EGFLAM: variants seen among roughly 807,000 people sequenced by gnomAD.
The protein encoded by EGFLAM is EGF like, fibronectin type III and laminin G domains, also known as pikachurin.
In EGFLAM, 79 loss-of-function variants were observed where a neutral mutation model predicts 113.1. The observed-to-expected ratio is 0.70, with a 90% CI of 0.58 to 0.84. The LOEUF (loss-of-function observed/expected upper bound fraction) is 0.84. Among genes scored for constraint, EGFLAM ranks in the 40% least tolerant of loss-of-function variants. The pLI, the probability that EGFLAM is intolerant of heterozygous loss-of-function variation, is 0.00. For missense variants in EGFLAM, 1,265 were observed against 1,291.6 expected (o/e 0.98, Z 0.32); for synonymous variants, 504 against 487.6 (o/e 1.03, Z -0.44).
At chr5:38,381,234 A>G (rs564785795) in intron 6 of EGFLAM, among the ~76,000 whole-genome samples, 7 of 152,110 alleles carry the variant, frequency 4.6e-5, no homozygotes, top group African/African-American at 1.7e-4. Context: ...TCTTGCTTTT[A>G]TATAGTTCTT....
chr5:38,320,045 G>A (rs1272067380), intron 1 of EGFLAM, among the ~76,000 whole-genome samples: 1 of 152,194 alleles, frequency 6.6e-6, no homozygotes, highest in Non-Finnish European at 1.5e-5. Context: ...GGAGAACAGG[G>A]CCCAGTTAAA....
chr5:38,346,982 G>A (rs1739488513), intron 3 of EGFLAM, among the ~76,000 whole-genome samples: 1 of 150,986 alleles, frequency 6.6e-6, no homozygotes, highest in Non-Finnish European at 1.5e-5. Flanking sequence ...GGGAGGGAGG[G>A]GCAGACTGAA....
chr5:38,334,283 A>G (rs964834128), intron 1 of EGFLAM, among the ~76,000 whole-genome samples: 1 of 152,192 alleles, frequency 6.6e-6, no homozygotes, highest in Non-Finnish European at 1.5e-5. Flanking sequence ...TCAAAATACT[A>G]TAGATTGGGT....
chr5:38,375,793 G>T (rs990021103), intron 6 of EGFLAM, among the ~76,000 whole-genome samples: 1 of 152,226 alleles, frequency 6.6e-6, no homozygotes, highest in East Asian at 1.9e-4. Context: ...GCAATGTTGA[G>T]AAGTTCGTGC....
chr5:38,305,261 A>G (rs1022190645), intron 1 of EGFLAM, among the ~76,000 whole-genome samples: 1 of 152,238 alleles, frequency 6.6e-6, no homozygotes, highest in Non-Finnish European at 1.5e-5. Context: ...TCAAGAATCA[A>G]AATGGCTTTG....
chr5:38,461,966 C>T (rs1445991024), intron 20 of EGFLAM, among the ~76,000 whole-genome samples: 2 of 152,076 alleles, frequency 1.3e-5, no homozygotes, highest in Admixed American at 6.5e-5. Context: ...GAGATCGAGA[C>T]CATCCTGGCT....
intron 1 of EGFLAM, among the ~76,000 whole-genome samples, chr5:38,304,086 G>A (rs560551892): frequency 2.0e-5 from 3 of 151,144 alleles, no homozygotes; most frequent in Admixed American, 6.6e-5. Context: ...CCAAGGTCAC[G>A]CCATTGCGCT....
chr5:38,405,953 C>T, intron 6 of EGFLAM, 173 bp from the exon 7 acceptor site: 1 of 622,698 alleles, frequency 1.6e-6, no homozygotes, highest in South Asian at 1.9e-5. Flanking sequence ...TGAGAGGAAA[C>T]TTTTTTTATA....
chr5:38,335,648 C>T (rs542889420), intron 1 of EGFLAM, among the ~76,000 whole-genome samples: 104 of 152,266 alleles, frequency 6.8e-4, no homozygotes, highest in African/African-American at 2.5e-3. Context: ...TCAGAGAGAT[C>T]ATTAAGAATT....
intron 1 of EGFLAM, among the ~76,000 whole-genome samples, chr5:38,285,174 T>C (rs958652193): frequency 5.9e-5 from 9 of 152,162 alleles, no homozygotes; most frequent in Admixed American, 2.6e-4. Context: ...AGCCCACCAA[T>C]TGGAGTTCTT....
chr5:38,464,331 G>A lies in EGFLAM; in HGVS notation c.*345G>A. On this transcript the variant is annotated 3_prime_UTR_variant, in exon 22 of 22. Coordinates refer to ENST00000322350, the MANE Select transcript of EGFLAM (RefSeq NM_152403.4). The stretch of plus-strand genomic sequence containing the variant: ...GTTGTGATTCATAGTACATTAAAAA[G>A]AGAGAGAGAGAGAAAGAATCCCACA... The A allele has an allele frequency of 2.1e-5, 4 of 188,298 alleles. No homozygotes were observed. The highest frequency in any genetic ancestry group is 2.2e-5 in the Non-Finnish European group (2 of 91,070). The allele number at this position is 188,298 out of a possible 1,614,324, so 11.7% of individuals were successfully genotyped here.
At chr5:38,291,152 A>G (rs940727209) in intron 1 of EGFLAM, among the ~76,000 whole-genome samples, 1 of 152,230 alleles carries the variant, frequency 6.6e-6, no homozygotes, top group Non-Finnish European at 1.5e-5. Context: ...GGTGTCTCGC[A>G]TAGCAGGGAT....
intron 6 of EGFLAM, among the ~76,000 whole-genome samples, chr5:38,389,368 T>C (rs1475899020): frequency 1.3e-5 from 2 of 152,198 alleles, no homozygotes; most frequent in Non-Finnish European, 2.9e-5. Flanking sequence ...TTAATTATTT[T>C]TAGTTCAGAC....
intron 1 of EGFLAM, among the ~76,000 whole-genome samples, chr5:38,260,144 A>G (rs1053783184): frequency 7.2e-5 from 11 of 152,178 alleles, no homozygotes; most frequent in Non-Finnish European, 1.5e-4. Context: ...TATCACATTA[A>G]ATTGTTTCTC....
At chr5:38,438,487 G>C in intron 17 of EGFLAM, 32 bp downstream of exon 17, 1 of 1,532,900 alleles carries the variant, frequency 6.5e-7, no homozygotes, top group Non-Finnish European at 8.8e-7. Flanking sequence ...ACAGCTCCCT[G>C]GAGGGAGTGG....
At chr5:38,408,083 C>T (rs1271229815) in intron 9 of EGFLAM, among the ~76,000 whole-genome samples, 178 bp downstream of exon 9, 1 of 152,128 alleles carries the variant, frequency 6.6e-6, no homozygotes, top group Admixed American at 6.6e-5. Flanking sequence ...AGTACATTCA[C>T]AACATTCAAG....
chr5:38,432,393 G>A (rs146750664), intron 15 of EGFLAM, among the ~76,000 whole-genome samples: 3,343 of 151,562 alleles, frequency 0.022, 50 homozygotes, highest in South Asian at 0.038. Context: ...GGCCTCCTTG[G>A]GAATGAGGGG....
intron 1 of EGFLAM, among the ~76,000 whole-genome samples, chr5:38,276,526 C>T (rs1757890302): frequency 6.6e-6 from 1 of 151,472 alleles, no homozygotes; most frequent in Non-Finnish European, 1.5e-5. Context: ...ACTAGAAGAA[C>T]AAGAAAATAA....
intron 1 of EGFLAM, among the ~76,000 whole-genome samples, chr5:38,318,215 CTTA>C (rs1282938538): frequency 6.6e-6 from 1 of 151,532 alleles, no homozygotes; most frequent in Non-Finnish European, 1.5e-5. Flanking sequence ...TAATTTTAGA[CTTA>C]TTAATTTTAG....
Sources: allele counts gnomAD v4.1 joint callset (sites outside exome capture counted in the v4.1 genomes callset), GRCh38; gene constraint gnomAD v4.1.1; transcripts MANE v1.5; gene names NCBI Gene and HGNC (gene_info 2026-07-23, HGNC 2026-07-21).